Variants in ULK2 observed in about 807,000 individuals in gnomAD.
ULK2 encodes the protein unc-51 like autophagy activating kinase 2, also known as serine/threonine-protein kinase ULK2.
In ULK2, 76 loss-of-function variants were observed where a neutral mutation model predicts 127.5. The observed-to-expected ratio is 0.60, with a 90% CI of 0.50 to 0.72. ULK2 has a LOEUF of 0.72. Ranked by LOEUF, ULK2 falls within the 30% of genes least tolerant of loss-of-function variation. The pLI is 0.00. For synonymous variants in ULK2, 452 were observed against 461.9 expected, an observed-to-expected ratio of 0.98 and a Z score of 0.28; for missense variants, 1,144 against 1,295.9, an observed-to-expected ratio of 0.88 and a Z score of 1.80.
At chr17:19,866,122 G>A (rs1284754639) in intron 1 of ULK2, among the ~76,000 whole-genome samples, 1 of 152,160 alleles carries the variant, frequency 6.6e-6, no homozygotes, top group Non-Finnish European at 1.5e-5. Flanking sequence ...AAACTTGGAA[G>A]GTGATACAGT....
At position 19,780,466 on chromosome 17, in the gene ULK2, G is replaced by A; in HGVS notation, c.2916+6C>T. Reference sequence around the variant, plus strand: ...CTATACAATATTAAACCTTAGAAAGGGTTACCATTTCTACAGCACAATTAT... The same window carrying A: ...CTATACAATATTAAACCTTAGAAAGAGTTACCATTTCTACAGCACAATTAT... On this transcript the variant is annotated splice_donor_region_variant and intron_variant, in intron 25 of 26. Transcript: ENST00000395544. 1 of 1,606,360 alleles carries A rather than the reference G, an allele frequency of 6.2e-7. No homozygotes were observed. The highest frequency in any genetic ancestry group is 8.5e-7 in the Non-Finnish European group (1 of 1,177,112).
chr17:19,850,882 GAT>G (rs978185649), intron 3 of ULK2, among the ~76,000 whole-genome samples: 2 of 151,858 alleles, frequency 1.3e-5, no homozygotes, highest in African/African-American at 4.8e-5. Context: ...TCTATATCTA[GAT>G]ATATAGCTTT....
chr17:19,805,706 A>G (rs1178993680), intron 14 of ULK2, among the ~76,000 whole-genome samples: 1 of 152,138 alleles, frequency 6.6e-6, no homozygotes, highest in East Asian at 1.9e-4. Flanking sequence ...TCTTCTACTC[A>G]TTCTTCCTGT....
chr17:19,780,937 A>T, intron 24 of ULK2, 49 bp downstream of exon 24: 1 of 1,535,922 alleles, frequency 6.5e-7, no homozygotes, highest in Non-Finnish European at 9.0e-7. Context: ...GATGGGAAAG[A>T]GCAACTTAAG....
At chr17:19,786,229 C>T in intron 20 of ULK2, 143 bp from the exon 21 acceptor site, 1 of 646,046 alleles carries the variant, frequency 1.5e-6, no homozygotes, top group Non-Finnish European at 2.4e-6. Context: ...GTACTTATTG[C>T]TCTTAAAATC....
At chr17:19,856,268 T>C (rs1218781951) in intron 3 of ULK2, 2 of 152,244 alleles carry the variant, frequency 1.3e-5, no homozygotes, top group African/African-American at 2.4e-5. Context: ...TAGCAGTATA[T>C]GGCATGCTTA....
intron 3 of ULK2, chr17:19,861,119 A>G (rs139326555): frequency 2.0e-5 from 3 of 152,234 alleles, no homozygotes; most frequent in East Asian, 1.9e-4. Context: ...ACAAAATAAT[A>G]TAACATTTGA....
intron 21 of ULK2, chr17:19,784,123 A>G: frequency 2.6e-6 from 1 of 391,224 alleles, no homozygotes; most frequent in Non-Finnish European, 4.4e-6. Flanking sequence ...AGACATCATC[A>G]GAGCTAGTTT....
intron 13 of ULK2, among the ~76,000 whole-genome samples, chr17:19,814,430 A>ACATATATATACATATATATACG (rs1319993550): frequency 2.3e-3 from 35 of 14,906 alleles, no homozygotes; most frequent in African/African-American, 0.01. Context: ...ATATATATAT[A>ACATATATATACATATATATACG]TATATATATT....
chr17:19,781,941 T>C lies in ULK2; in HGVS notation c.2587A>G (p.Ile863Val), dbSNP rs1433456466. 6.2e-7 allele frequency: 1 copy of C among 1,614,064 alleles called. No individual in the cohort carries two copies. Among genetic ancestry groups the C allele is most frequent in the African/African-American group, 1.3e-5 (1 of 74,918 alleles). Residue 863 changes from isoleucine to valine, a missense_variant, in exon 23 of 27, where the codon ATC becomes GTC. This residue lies in a region of ULK2 where 913 missense variants were observed against 970.5 expected (regional missense o/e 0.94). Transcript: ENST00000395544. ...LCTSAVSLYQ[I>V]QESVVVDQIS... Reference sequence around the variant, plus strand: ...TGGTCCACCACCACACTCTCCTGGATCTGGTACAAGGACACAGCAGATGTG... The same window carrying C: ...TGGTCCACCACCACACTCTCCTGGACCTGGTACAAGGACACAGCAGATGTG...
intron 9 of ULK2, among the ~76,000 whole-genome samples, chr17:19,839,954 T>TAC (rs950100707): frequency 1.1e-4 from 15 of 142,516 alleles, no homozygotes; most frequent in Non-Finnish European, 1.9e-4. Context: ...CACAAAGGAG[T>TAC]ACACACACAT....
At chr17:19,805,106 C>T (rs1261265084) in intron 14 of ULK2, among the ~76,000 whole-genome samples, 2 of 151,986 alleles carry the variant, frequency 1.3e-5, no homozygotes, top group African/African-American at 4.8e-5. Flanking sequence ...GTCCACAGGT[C>T]AGCAAAACTG....
chr17:19,867,520 GTCTGGGGCAGC>G lies in ULK2; in HGVS notation c.-114_-104del. The G allele has an allele frequency of 1.3e-6, 1 of 763,956 alleles. No homozygotes were observed. Among genetic ancestry groups the G allele is most frequent in the Non-Finnish European group, 1.8e-6 (1 of 557,378 alleles). The allele number at this position is 763,956 out of a possible 1,614,324, so 47.3% of individuals were successfully genotyped here. ...CCCGGAGCGCGCCAGCGTGCGGCGG[GTCTGGGGCAGC>G]CGCAGCCCCGGGCCCGGGCGGACTC... is the stretch of plus-strand genomic sequence containing the variant. On this transcript the variant is annotated 5_prime_UTR_variant, in exon 1 of 27. An upstream open reading frame in the 5' UTR loses its in-frame stop. Coordinates refer to ENST00000395544, the MANE Select transcript of ULK2 (RefSeq NM_014683.4).
In ULK2 at chr17:19,816,740, G is replaced by T; in HGVS notation, c.1096+9C>A. Reference sequence around the variant, plus strand: ...AAATACAATGTGTACAAGTAGAAAAGATTCTCACATGAGTGGTCTGACGAG... The same window carrying T: ...AAATACAATGTGTACAAGTAGAAAATATTCTCACATGAGTGGTCTGACGAG... On this transcript the variant is annotated intron_variant, in intron 13 of 26. Transcript: ENST00000395544. 1.3e-6 allele frequency: 2 copies of T among 1,556,068 alleles called. No homozygotes were observed. Among genetic ancestry groups the T allele is most frequent in the Non-Finnish European group, 1.7e-6 (2 of 1,158,532 alleles).
At chr17:19,820,718 T>C (rs1423007237) in intron 12 of ULK2, among the ~76,000 whole-genome samples, 1 of 152,218 alleles carries the variant, frequency 6.6e-6, no homozygotes, top group East Asian at 1.9e-4. Flanking sequence ...CGGAAATTCT[T>C]CTGCTTACAA....
At chr17:19,807,917 C>G (rs1042574755) in intron 14 of ULK2, among the ~76,000 whole-genome samples, 3 of 152,020 alleles carry the variant, frequency 2.0e-5, no homozygotes, top group Non-Finnish European at 4.4e-5. Flanking sequence ...CCAGCCTGAC[C>G]AACATGGCGA....
In ULK2 at chr17:19,796,150, C is replaced by T; in HGVS notation, c.1942G>A (p.Val648Met). ...GCCCGCTGCCTCTCACTTCCTTGCACTAAGAGGCAATGGGCACATTCCCGT... is the reference window on the plus strand; with the variant it reads ...GCCCGCTGCCTCTCACTTCCTTGCATTAAGAGGCAATGGGCACATTCCCGT... ...EPRECAHCLLVQGSERQRAEQ... is the reference protein window; with the variant it reads ...EPRECAHCLLMQGSERQRAEQ... The change falls in exon 19 of 27, where the codon GTG (valine) becomes ATG (methionine). Residue 648 changes from valine (V) to methionine (M), a missense_variant. This residue lies in a region of ULK2 where 913 missense variants were observed against 970.5 expected (regional missense o/e 0.94). Transcript: ENST00000395544. The T allele has an allele frequency of 6.2e-7, 1 of 1,614,206 alleles. No individual in the cohort carries two copies.
At chr17:19,850,296 T>C (rs937995436) in intron 3 of ULK2, among the ~76,000 whole-genome samples, 1 of 152,118 alleles carries the variant, frequency 6.6e-6, no homozygotes, top group South Asian at 2.1e-4. Context: ...TTATCAGCAA[T>C]TGGTGGCAAA....
chr17:19,856,920 T>C (rs1363097229), intron 3 of ULK2, among the ~76,000 whole-genome samples: 1 of 123,576 alleles, frequency 8.1e-6, no homozygotes, highest in South Asian at 2.5e-4. Flanking sequence ...GAGCTTGCAG[T>C]GAGCCGAGAT....
Sources: gnomAD v4.1 joint callset for allele counts (sites outside exome capture counted in the v4.1 genomes callset) on GRCh38, gnomAD v4.1.1 for gene constraint, gnomAD v4.1.1 regional missense constraint, MANE v1.5 for transcripts, NCBI Gene and HGNC (gene_info 2026-07-23, HGNC 2026-07-21) for gene names.